Variants in RAD51B observed in about 807,000 individuals in gnomAD.
The protein encoded by RAD51B is RAD51 paralog B, also known as DNA repair protein RAD51 homolog 2.
A neutral mutation model predicts 42.2 loss-of-function variants in RAD51B; 38 were observed. The observed-to-expected ratio is 0.90, with a 90% CI of 0.70 to 1.18. RAD51B has a LOEUF of 1.18. RAD51B is among the 50% of genes most tolerant of loss of function. The pLI is 0.00. For synonymous variants in RAD51B, 154 were observed against 145.2 expected (o/e 1.06, Z -0.43); for missense variants, 373 against 400.7 (o/e 0.93, Z 0.59).
chr14:68,232,603 G>A (rs1043989662), intron 7 of RAD51B, among the ~76,000 whole-genome samples: 3 of 152,210 alleles, frequency 2.0e-5, no homozygotes, highest in African/African-American at 7.2e-5. Flanking sequence ...AAGTCATAAG[G>A]CTCAGGGGGA....
intron 9 of RAD51B, among the ~76,000 whole-genome samples, chr14:68,411,913 G>GA (rs750826277): frequency 6.6e-6 from 1 of 152,166 alleles, no homozygotes; most frequent in Admixed American, 6.5e-5. Flanking sequence ...TGTGTACTTT[G>GA]AAAATCTTAG....
intron 7 of RAD51B, among the ~76,000 whole-genome samples, chr14:68,289,165 T>C (rs1458826763): frequency 2.0e-5 from 3 of 152,212 alleles, no homozygotes; most frequent in African/African-American, 7.2e-5. Flanking sequence ...CTATGGCATA[T>C]ACTAATTTAT....
At chr14:67,834,054 T>G (rs192632804) in intron 3 of RAD51B, among the ~76,000 whole-genome samples, 149 of 152,240 alleles carry the variant, frequency 9.8e-4, no homozygotes, top group African/African-American at 3.5e-3. Context: ...AGTTTTGGAG[T>G]TCAGAGGTTC....
At chr14:68,464,663 T>C (rs11626015) in intron 9 of RAD51B, among the ~76,000 whole-genome samples, 1 of 152,166 alleles carries the variant, frequency 6.6e-6, no homozygotes, top group Non-Finnish European at 1.5e-5. Flanking sequence ...CAGCTCAACT[T>C]ATCTTCACTT....
intron 7 of RAD51B, among the ~76,000 whole-genome samples, chr14:67,989,635 CAAAAAAA>C (rs764608072): frequency 3.0e-5 from 2 of 66,904 alleles, no homozygotes; most frequent in Non-Finnish European, 5.6e-5. Context: ...AACTCTGTCT[CAAAAAAA>C]AAAAAAAAAA....
chr14:68,175,201 G>C (rs17105083), intron 7 of RAD51B, among the ~76,000 whole-genome samples: 3,837 of 152,110 alleles, frequency 0.025, 130 homozygotes, highest in African/African-American at 0.074. Flanking sequence ...CATTTTCCAT[G>C]CTTTTGCTGG....
chr14:68,014,980 A>G (rs1194072893), intron 7 of RAD51B, among the ~76,000 whole-genome samples: 1 of 151,910 alleles, frequency 6.6e-6, no homozygotes, highest in Non-Finnish European at 1.5e-5. Context: ...GGGGGTGTGG[A>G]GGCATGGTGA....
At chr14:68,198,780 A>C (rs1415156555) in intron 7 of RAD51B, among the ~76,000 whole-genome samples, 1 of 152,220 alleles carries the variant, frequency 6.6e-6, no homozygotes, top group Non-Finnish European at 1.5e-5. Flanking sequence ...GACTTTAATA[A>C]GACATTGACA....
chr14:68,005,841 C>T (rs1205420210), intron 7 of RAD51B, among the ~76,000 whole-genome samples: 1 of 152,076 alleles, frequency 6.6e-6, no homozygotes, highest in Non-Finnish European at 1.5e-5. Context: ...GTACAGGAAG[C>T]ATAACGGCTT....
chr14:68,239,713 A>G (rs1200126452), intron 7 of RAD51B, among the ~76,000 whole-genome samples: 1 of 152,096 alleles, frequency 6.6e-6, no homozygotes, highest in Non-Finnish European at 1.5e-5. Context: ...AGCCAAAAGA[A>G]CCATATGAGG....
intron 9 of RAD51B, chr14:68,421,867 A>C: frequency 1.3e-6 from 2 of 1,596,418 alleles, no homozygotes; most frequent in Non-Finnish European, 1.7e-6. Flanking sequence ...AAAAACTGGG[A>C]ACCATTTGTG....
intron 7 of RAD51B, among the ~76,000 whole-genome samples, chr14:67,994,893 A>G (rs1232745689): frequency 6.6e-6 from 1 of 152,226 alleles, no homozygotes; most frequent in Non-Finnish European, 1.5e-5. Flanking sequence ...TGAATGAATA[A>G]ACAAAATGTG....
At position 68,535,685 on chromosome 14, in the gene RAD51B, GA is replaced by G. The variant is rs1887574565; in HGVS notation, c.1037-58796del. Among the ~76,000 whole-genome samples the G allele has an allele frequency of 3.9e-5, 6 of 152,136 alleles. 1 individual carries two copies. In the South Asian group the frequency reaches 1.2e-3, roughly 32 times the overall value. On this transcript the variant is annotated intron_variant, in intron 10 of 10. Transcript: ENST00000487270. ...TATGAACAGCTCATACTATGAAGTG[GA>G]AAAGTAAAGGAACATTCCAACATTT...
At chr14:68,373,985 G>A (rs1329897245) in intron 8 of RAD51B, among the ~76,000 whole-genome samples, 1 of 152,114 alleles carries the variant, frequency 6.6e-6, no homozygotes, top group Non-Finnish European at 1.5e-5. Flanking sequence ...GAAAAGAACC[G>A]ACATTTATTG....
At chr14:68,123,853 GCATTT>G (rs2077702983) in intron 7 of RAD51B, among the ~76,000 whole-genome samples, 1 of 152,096 alleles carries the variant, frequency 6.6e-6, no homozygotes, top group Admixed American at 6.5e-5. Context: ...ACTGTTGGTT[GCATTT>G]CAAAAATCTA....
At chr14:68,317,049 G>A (rs2082076253) in intron 8 of RAD51B, among the ~76,000 whole-genome samples, 1 of 152,114 alleles carries the variant, frequency 6.6e-6, no homozygotes, top group Admixed American at 6.5e-5. Flanking sequence ...AAGGAAGAGG[G>A]CCACCCAGGA....
intron 7 of RAD51B, among the ~76,000 whole-genome samples, chr14:68,262,149 GCA>G (rs894089147): frequency 7.2e-5 from 11 of 152,192 alleles, no homozygotes; most frequent in Non-Finnish European, 1.6e-4. Context: ...GTGTGTGTGT[GCA>G]CACACGTGTA....
intron 7 of RAD51B, among the ~76,000 whole-genome samples, chr14:68,125,988 A>G (rs985424658): frequency 5.3e-5 from 8 of 152,170 alleles, no homozygotes; most frequent in Non-Finnish European, 1.2e-4. Flanking sequence ...GTCATCCCAT[A>G]TCTGATCTTC....
intron 4 of RAD51B, among the ~76,000 whole-genome samples, chr14:67,841,726 G>A (rs998208368): frequency 6.6e-6 from 1 of 152,128 alleles, no homozygotes; most frequent in Non-Finnish European, 1.5e-5. Context: ...ATCAGAGGTT[G>A]TAAGTGTGTG....
Sources: gnomAD v4.1 joint callset for allele counts (sites outside exome capture counted in the v4.1 genomes callset) on GRCh38, gnomAD v4.1.1 for gene constraint, MANE v1.5 for transcripts, NCBI Gene and HGNC (gene_info 2026-07-23, HGNC 2026-07-21) for gene names.